NCOA1: variants seen among roughly 807,000 people sequenced by gnomAD.
NCOA1 encodes nuclear receptor coactivator 1.
A neutral mutation model predicts 150.9 loss-of-function variants in NCOA1; 35 were observed. The ratio of observed to expected loss-of-function variants is 0.23; its 90% CI spans 0.18 to 0.31. The LOEUF is 0.31. Among genes scored for constraint, NCOA1 ranks in the 10% least tolerant of loss-of-function variants. The pLI is 1.00. For synonymous variants in NCOA1, 590 were observed against 630.0 expected (o/e 0.94, Z 0.95); for missense variants, 1,491 against 1,749.3 (o/e 0.85, Z 2.63).
At chr2:24,713,182 G>T (rs1572629697) in intron 14 of NCOA1, among the ~76,000 whole-genome samples, 1 of 152,040 alleles carries the variant, frequency 6.6e-6, no homozygotes, top group Non-Finnish European at 1.5e-5. Context: ...AGTCAGCTGA[G>T]ATCGTGCCAT....
intron 1 of NCOA1, among the ~76,000 whole-genome samples, chr2:24,496,697 G>A (rs1663231009): frequency 6.6e-6 from 1 of 152,156 alleles, no homozygotes; most frequent in African/African-American, 2.4e-5. Flanking sequence ...AGCCTTAAAT[G>A]ATCATTTAGG....
At chr2:24,608,704 G>GTTTTTTTTTTTTTTT (rs56710627) in intron 3 of NCOA1, among the ~76,000 whole-genome samples, 5 of 117,334 alleles carry the variant, frequency 4.3e-5, no homozygotes, top group Non-Finnish European at 7.0e-5. Flanking sequence ...TTGTTGTTGT[G>GTTTTTTTTTTTTTTT]TTTTTTTTTT....
At chr2:24,712,778 C>G (rs1462764487) in intron 14 of NCOA1, among the ~76,000 whole-genome samples, 1 of 150,494 alleles carries the variant, frequency 6.6e-6, no homozygotes, top group Non-Finnish European at 1.5e-5. Context: ...AATTAGGTAT[C>G]CAACTTTTTT....
intron 3 of NCOA1, among the ~76,000 whole-genome samples, chr2:24,611,890 A>C (rs1027969291): frequency 3.9e-5 from 6 of 151,948 alleles, no homozygotes; most frequent in African/African-American, 1.5e-4. Context: ...TGTGCCTTTT[A>C]AGTGGGGCAT....
rs184592692 is a variant in NCOA1, at chr2:24,580,000, A to G, written c.-259-4476A>G. On this transcript the variant is annotated intron_variant, in intron 2 of 22. Transcript: ENST00000348332. ...CATGCCAAGAACCAGAACAAGAGAA[A>G]AAACAGATGCAAAAATAGACACAGA... Among the ~76,000 whole-genome samples, 921 of 152,306 alleles carry G rather than the reference A, an allele frequency of 6.0e-3. 12 individuals carry two copies. The highest frequency in any genetic ancestry group is 0.02 in the African/African-American group (844 of 41,556).
At chr2:24,695,670 G>A (rs1049069553) in intron 10 of NCOA1, among the ~76,000 whole-genome samples, 20 of 152,046 alleles carry the variant, frequency 1.3e-4, no homozygotes, top group African/African-American at 4.8e-4. Flanking sequence ...AAAGAAAAAA[G>A]TATTTTACTA....
chr2:24,675,838 T>C (rs902816505), intron 7 of NCOA1, among the ~76,000 whole-genome samples: 2 of 152,166 alleles, frequency 1.3e-5, no homozygotes, highest in East Asian at 3.8e-4. Context: ...TGAGCTGAGA[T>C]TGCACCATTG....
chr2:24,746,720 T>G (rs1195285594), intron 19 of NCOA1, among the ~76,000 whole-genome samples: 1 of 152,218 alleles, frequency 6.6e-6, no homozygotes, highest in African/African-American at 2.4e-5. Context: ...CTGCTAAAAC[T>G]GGGTCATTTC....
intron 6 of NCOA1, among the ~76,000 whole-genome samples, chr2:24,672,134 T>G (rs113280758): frequency 1.8e-5 from 1 of 56,346 alleles, no homozygotes; most frequent in Non-Finnish European, 5.6e-5. Flanking sequence ...TTTATATATA[T>G]AACAATATAT....
At chr2:24,528,344 CT>C (rs375096042) in intron 1 of NCOA1, among the ~76,000 whole-genome samples, 104 of 125,850 alleles carry the variant, frequency 8.3e-4, no homozygotes, top group Middle Eastern at 4.0e-3. Context: ...CAATTTCATT[CT>C]TTTTTTTTTT....
chr2:24,703,268 C>A lies in NCOA1; in HGVS notation c.950-1818C>A, dbSNP rs940766678. 5.3e-5 allele frequency among the ~76,000 whole-genome samples: 8 copies of A among 152,288 alleles called. No homozygotes were observed. In the South Asian group the frequency reaches 1.7e-3, roughly 32 times the overall value. ...CTGTTACTCTTTTCATTGATTTATG[C>A]TGCCTTCCTTTGACCTCTTCATCTG... is the stretch of plus-strand genomic sequence containing the variant. On this transcript the variant is annotated intron_variant, in intron 11 of 22. Transcript: ENST00000348332.
At chr2:24,525,695 C>T (rs900790930) in intron 1 of NCOA1, among the ~76,000 whole-genome samples, 5 of 151,856 alleles carry the variant, frequency 3.3e-5, no homozygotes, top group African/African-American at 9.7e-5. Context: ...TATAGGCATG[C>T]GTCACCATGC....
At chr2:24,549,837 T>C (rs1456404975) in intron 1 of NCOA1, among the ~76,000 whole-genome samples, 1 of 152,218 alleles carries the variant, frequency 6.6e-6, no homozygotes, top group East Asian at 1.9e-4. Context: ...CCCAGAGTGC[T>C]GGGATTACAG....
intron 1 of NCOA1, among the ~76,000 whole-genome samples, chr2:24,515,126 A>AT (rs1558756784): frequency 6.6e-6 from 1 of 152,206 alleles, no homozygotes; most frequent in East Asian, 1.9e-4. Context: ...GTTTTCAAAA[A>AT]TTTTTTGTTA....
intron 1 of NCOA1, among the ~76,000 whole-genome samples, chr2:24,509,133 C>T (rs1334253092): frequency 6.6e-6 from 1 of 152,240 alleles, no homozygotes; most frequent in Non-Finnish European, 1.5e-5. Flanking sequence ...GCTACATTCA[C>T]TTAGTGCTTG....
intron 11 of NCOA1, among the ~76,000 whole-genome samples, chr2:24,703,306 C>T (rs1357234027): frequency 6.6e-6 from 1 of 152,160 alleles, no homozygotes; most frequent in African/African-American, 2.4e-5. Context: ...CAATTAAGCA[C>T]CAGACTTTTA....
intron 3 of NCOA1, among the ~76,000 whole-genome samples, chr2:24,634,577 G>A (rs1009335924): frequency 2.6e-4 from 40 of 152,076 alleles, no homozygotes; most frequent in African/African-American, 9.7e-4. Flanking sequence ...GAAGACAGAA[G>A]GTCCTTTACC....
chr2:24,608,150 C>G (rs1384688944), intron 3 of NCOA1, among the ~76,000 whole-genome samples: 1 of 151,398 alleles, frequency 6.6e-6, no homozygotes, highest in Non-Finnish European at 1.5e-5. Context: ...CTTTTTGTGT[C>G]ATCTTTCAAA....
intron 1 of NCOA1, among the ~76,000 whole-genome samples, chr2:24,506,581 T>C (rs907069968): frequency 1.8e-4 from 27 of 152,174 alleles, no homozygotes; most frequent in African/African-American, 6.3e-4. Flanking sequence ...CGTGGAGAGG[T>C]GGGTTGGCAG....
Sources: gnomAD v4.1 joint callset for allele counts (sites outside exome capture counted in the v4.1 genomes callset) on GRCh38, gnomAD v4.1.1 for gene constraint, MANE v1.5 for transcripts, NCBI Gene and HGNC (gene_info 2026-07-23, HGNC 2026-07-21) for gene names.